The following MTHFD2L variants were observed in gnomAD, a reference collection of about 807,000 sequenced individuals.
MTHFD2L encodes methylenetetrahydrofolate dehydrogenase (NADP+ dependent) 2 like.
Under a neutral mutation model 34.9 loss-of-function variants are expected in MTHFD2L, and 29 were observed. That is an observed-to-expected ratio of 0.83 (90% CI 0.62 to 1.13). MTHFD2L has a LOEUF of 1.13. Ranked by LOEUF, MTHFD2L falls within the 50% of genes most tolerant of loss-of-function variation. The pLI is 0.00. For missense variants in MTHFD2L, 481 were observed against 446.5 expected (o/e 1.08, Z -0.70); for synonymous variants, 167 against 155.7 (o/e 1.07, Z -0.54).
At chr4:74,221,802 T>G (rs1738240885) in intron 5 of MTHFD2L, among the ~76,000 whole-genome samples, 1 of 149,272 alleles carries the variant, frequency 6.7e-6, no homozygotes, top group South Asian at 2.1e-4. Flanking sequence ...ATTGTTTTTA[T>G]TTTTTACAGT....
chr4:74,269,083 T>C (rs1578667891), intron 6 of MTHFD2L, among the ~76,000 whole-genome samples: 1 of 152,338 alleles, frequency 6.6e-6, no homozygotes, highest in South Asian at 2.1e-4. Context: ...CATTTACTTA[T>C]CAAAGAGATT....
chr4:74,189,025 C>G (rs559149006), intron 3 of MTHFD2L, among the ~76,000 whole-genome samples: 11 of 151,938 alleles, frequency 7.2e-5, no homozygotes, highest in African/African-American at 2.7e-4. Context: ...CTGTTTGGAG[C>G]AGGACGGAGA....
In MTHFD2L at chr4:74,244,674, A is replaced by T. The variant is rs1276910969; in HGVS notation, c.805+19280A>T. Among the ~76,000 whole-genome samples, 3 of 152,262 alleles carry T rather than the reference A, an allele frequency of 2.0e-5. No homozygotes were observed. In the East Asian group the frequency reaches 5.8e-4, roughly 29 times the overall value. On this transcript the variant is annotated intron_variant, in intron 6 of 7. Coordinates refer to ENST00000325278, the MANE Select transcript of MTHFD2L (RefSeq NM_001144978.3). ...ATGGAATCCACTCAAAATGCAAGAC[A>T]GACCAGTGGATTTTAGCATTACAGA... is the stretch of plus-strand genomic sequence containing the variant.
chr4:74,256,686 A>G (rs757250718), intron 6 of MTHFD2L, among the ~76,000 whole-genome samples: 8 of 152,188 alleles, frequency 5.3e-5, no homozygotes, highest in Admixed American at 1.3e-4. Context: ...GGGGACACCT[A>G]TAACCATTTG....
chr4:74,167,870 C>G (rs774923745), intron 1 of MTHFD2L, among the ~76,000 whole-genome samples: 119 of 152,246 alleles, frequency 7.8e-4, no homozygotes, highest in Non-Finnish European at 1.3e-3. Context: ...CCCAATTTCT[C>G]AGGTCAGAAA....
chr4:74,245,479 TA>T (rs1742303384), intron 6 of MTHFD2L, among the ~76,000 whole-genome samples: 1 of 138,584 alleles, frequency 7.2e-6, no homozygotes. Flanking sequence ...GGATTTTCAA[TA>T]ATTTTTTTTA....
chr4:74,180,460 A>T (rs1729921517), intron 3 of MTHFD2L, among the ~76,000 whole-genome samples: 1 of 152,152 alleles, frequency 6.6e-6, no homozygotes, highest in Non-Finnish European at 1.5e-5. Flanking sequence ...TTATTTTATC[A>T]TTAGAAATCT....
At chr4:74,257,487 T>A (rs1268030845) in intron 6 of MTHFD2L, among the ~76,000 whole-genome samples, 1 of 152,130 alleles carries the variant, frequency 6.6e-6, no homozygotes, top group East Asian at 1.9e-4. Context: ...ACTATCTTAA[T>A]AACAGACAAA....
chr4:74,120,445 T>C (rs1007138922), upstream of MTHFD2L, among the ~76,000 whole-genome samples: 2 of 152,220 alleles, frequency 1.3e-5, no homozygotes, highest in African/African-American at 4.8e-5. Flanking sequence ...ATTCAAGTCT[T>C]TGAATGATTG....
chr4:74,199,283 G>C (rs748411830), intron 3 of MTHFD2L, among the ~76,000 whole-genome samples: 1 of 152,014 alleles, frequency 6.6e-6, no homozygotes, highest in Non-Finnish European at 1.5e-5. Flanking sequence ...GTGTGTGTGC[G>C]TGTGTGTTTT....
intron 7 of MTHFD2L, among the ~76,000 whole-genome samples, chr4:74,300,410 A>G (rs1750152400): frequency 6.6e-6 from 1 of 152,052 alleles, no homozygotes; most frequent in Admixed American, 6.6e-5. Flanking sequence ...AAAGGGCGAC[A>G]TAAGTTGTGC....
At chr4:74,180,239 G>T (rs2109979667) in intron 3 of MTHFD2L, among the ~76,000 whole-genome samples, 1 of 152,150 alleles carries the variant, frequency 6.6e-6, no homozygotes, top group South Asian at 2.1e-4. Flanking sequence ...ATGTTTTACA[G>T]AATAAATGGA....
chr4:74,260,661 AAGG>A (rs1309152212), intron 6 of MTHFD2L, among the ~76,000 whole-genome samples: 3 of 152,086 alleles, frequency 2.0e-5, no homozygotes, highest in Non-Finnish European at 2.9e-5. Context: ...AGAAGTGAAG[AAGG>A]AGGAGGAGGA....
intron 6 of MTHFD2L, chr4:74,266,924 A>C (rs1745351092): frequency 1.0e-6 from 1 of 985,204 alleles, no homozygotes; most frequent in Non-Finnish European, 1.2e-6. Flanking sequence ...TATCTAGACT[A>C]TCTGGCTTTC....
intron 1 of MTHFD2L, among the ~76,000 whole-genome samples, chr4:74,141,591 T>C (rs906805705): frequency 2.6e-5 from 4 of 152,242 alleles, no homozygotes; most frequent in African/African-American, 9.6e-5. Context: ...CATTCATTCA[T>C]TGAGAAACAC....
intron 6 of MTHFD2L, among the ~76,000 whole-genome samples, chr4:74,256,718 T>G (rs573708143): frequency 3.3e-4 from 50 of 152,274 alleles, no homozygotes; most frequent in African/African-American, 1.1e-3. Context: ...TGATTGTCAG[T>G]GGGGAAACGT....
chr4:74,239,777 A>G (rs952235744), intron 6 of MTHFD2L, among the ~76,000 whole-genome samples: 1 of 152,218 alleles, frequency 6.6e-6, no homozygotes. Flanking sequence ...ATCAGATATT[A>G]CATTGTAAAA....
intron 1 of MTHFD2L, among the ~76,000 whole-genome samples, chr4:74,129,569 G>A (rs1722319244): frequency 1.3e-5 from 2 of 152,086 alleles, no homozygotes; most frequent in South Asian, 4.1e-4. Flanking sequence ...GAATCTCTGG[G>A]ACACAGCTAA....
intron 4 of MTHFD2L, among the ~76,000 whole-genome samples, chr4:74,200,690 CCTA>C (rs1560480212): frequency 1.3e-5 from 2 of 152,140 alleles, no homozygotes; most frequent in African/African-American, 2.4e-5. Context: ...GAATCATACT[CCTA>C]CACTGTTAGT....
Sources: allele counts gnomAD v4.1 joint callset (sites outside exome capture counted in the v4.1 genomes callset), GRCh38; gene constraint gnomAD v4.1.1; transcripts MANE v1.5; gene names NCBI Gene and HGNC (gene_info 2026-07-23, HGNC 2026-07-21).